Variants in NFX1 observed in about 807,000 individuals in gnomAD.
The protein encoded by NFX1 is nuclear transcription factor, X-box binding 1.
NFX1 carries 69 observed loss-of-function variants against 137.2 expected under a neutral mutation model. That is an observed-to-expected ratio of 0.50 (90% CI 0.41 to 0.61). NFX1 has a LOEUF of 0.61. Among genes scored for constraint, NFX1 ranks in the 20% least tolerant of loss-of-function variants. NFX1 has a pLI of 0.00. For missense variants in NFX1, 1,167 were observed against 1,391.0 expected, an observed-to-expected ratio of 0.84 and a Z score of 2.56; for synonymous variants, 495 against 474.1, an observed-to-expected ratio of 1.04 and a Z score of -0.57.
intron 15 of NFX1, among the ~76,000 whole-genome samples, chr9:33,349,482 T>A (rs904187092): frequency 6.6e-6 from 1 of 152,174 alleles, no homozygotes; most frequent in African/African-American, 2.4e-5. Context: ...TACTAAAATA[T>A]GGATTCCAGT....
intron 5 of NFX1, among the ~76,000 whole-genome samples, chr9:33,310,292 G>C (rs1821917093): frequency 6.6e-6 from 1 of 152,064 alleles, no homozygotes; most frequent in South Asian, 2.1e-4. Flanking sequence ...GTTGTAATTT[G>C]CCACCTAGAA....
intron 5 of NFX1, among the ~76,000 whole-genome samples, chr9:33,309,539 T>A (rs571437420): frequency 6.6e-6 from 1 of 152,332 alleles, no homozygotes; most frequent in East Asian, 1.9e-4. Flanking sequence ...TTGGGAACTT[T>A]CTTTTACTTT....
intron 7 of NFX1, among the ~76,000 whole-genome samples, chr9:33,314,847 A>G (rs1269518050): frequency 1.3e-5 from 2 of 152,212 alleles, no homozygotes; most frequent in African/African-American, 4.8e-5. Flanking sequence ...GGTCACACAG[A>G]TGTATACAAT....
chr9:33,362,853 A>C (rs1426977105), intron 19 of NFX1, among the ~76,000 whole-genome samples: 1 of 151,756 alleles, frequency 6.6e-6, no homozygotes, highest in East Asian at 1.9e-4. Flanking sequence ...ACAGGCATGC[A>C]CAACCACACC....
rs145313410 is a variant in NFX1, at chr9:33,303,491, T to C, written c.1270+223T>C. Among the ~76,000 whole-genome samples the C allele has an allele frequency of 6.2e-3, 938 of 152,320 alleles. 14 individuals are homozygous for C. The highest frequency in any genetic ancestry group is 0.02 in the African/African-American group (845 of 41,558). On this transcript the variant is annotated intron_variant, in intron 4 of 23. Transcript: ENST00000379540. ...TGGCCAACCAGGCTCATGCTGCTTC[T>C]GGGCTGTAGTGCTTGTCTCCTTGGT...
chr9:33,328,716 G>A (rs762345135), intron 10 of NFX1, 38 bp downstream of exon 10: 49 of 1,506,838 alleles, frequency 3.3e-5, no homozygotes, highest in Non-Finnish European at 4.1e-5. Context: ...TGCCATCAAT[G>A]TTTTCTTTAA....
At chr9:33,339,808 A>T (rs1823152423) in intron 12 of NFX1, among the ~76,000 whole-genome samples, 1 of 152,226 alleles carries the variant, frequency 6.6e-6, no homozygotes. Context: ...GCCCCATGCA[A>T]GTCCGAAATT....
intron 9 of NFX1, among the ~76,000 whole-genome samples, chr9:33,323,310 A>T (rs992842561): frequency 1.3e-5 from 2 of 152,230 alleles, no homozygotes; most frequent in African/African-American, 4.8e-5. Context: ...AGCAGTATCC[A>T]GAGTTGCTAT....
At chr9:33,317,344 G>A (rs530968110) in intron 7 of NFX1, among the ~76,000 whole-genome samples, 3 of 149,938 alleles carry the variant, frequency 2.0e-5, no homozygotes, top group South Asian at 2.1e-4. Flanking sequence ...GCTTGAGCCC[G>A]GGAGTTTGAG....
chr9:33,351,456 A>C (rs976203933), intron 15 of NFX1, 104 bp from the exon 16 acceptor site: 25 of 1,182,626 alleles, frequency 2.1e-5, no homozygotes, highest in South Asian at 2.7e-5. Flanking sequence ...AAAACAAAAC[A>C]AAACCAAACC....
At position 33,319,099 on chromosome 9, in the gene NFX1, C is replaced by T. The variant is rs773080677; in HGVS notation, c.1878C>T (p.Cys626=). ...CTGTGCCTTCATGTGGAAAAGTGTGCGGCAAGCCTCTGCCTTGTGGTTCCT... is the reference window on the plus strand; with the variant it reads ...CTGTGCCTTCATGTGGAAAAGTGTGTGGCAAGCCTCTGCCTTGTGGTTCCT... ...MDPVPSCGKV[C]GKPLPCGSLD... The change falls in exon 9 of 24, where the codon TGC becomes TGT. Residue 626 remains cysteine, a synonymous_variant. Coordinates refer to ENST00000379540, the MANE Select transcript of NFX1 (RefSeq NM_002504.6). 8 of 1,614,146 alleles carry T rather than the reference C, an allele frequency of 5.0e-6. No homozygotes were observed. Among genetic ancestry groups the T allele is most frequent in the East Asian group, 4.5e-5 (2 of 44,880 alleles).
At chr9:33,352,846 T>A in intron 17 of NFX1, 127 bp downstream of exon 17, 1 of 700,744 alleles carries the variant, frequency 1.4e-6, no homozygotes, top group Non-Finnish European at 2.5e-6. Context: ...GTAACTGTTG[T>A]AATCAGTTGT....
chr9:33,367,105 C>G (rs1296850957), intron 22 of NFX1, among the ~76,000 whole-genome samples: 2 of 152,240 alleles, frequency 1.3e-5, no homozygotes, highest in Non-Finnish European at 2.9e-5. Flanking sequence ...GTTCCTCTGT[C>G]TGTCCTCTCC....
intron 15 of NFX1, among the ~76,000 whole-genome samples, chr9:33,350,470 A>G (rs933886111): frequency 1.3e-5 from 2 of 152,186 alleles, no homozygotes; most frequent in African/African-American, 2.4e-5. Context: ...CCTGCCAGTT[A>G]GTCATAGCAT....
rs528881492 is a variant in NFX1, at chr9:33,293,407, A to G, written c.26-1013A>G. Among the ~76,000 whole-genome samples the G allele has an allele frequency of 3.9e-5, 6 of 152,354 alleles. No homozygotes were observed. The South Asian group carries it at 1.2e-3, about 32-fold the overall frequency. ...CAGATCCTCTGTAGTCCTAACAGCA[A>G]TGATAGAGTACCATTTTAACCATTT... On this transcript the variant is annotated intron_variant, in intron 1 of 23. Coordinates refer to ENST00000379540, the MANE Select transcript of NFX1 (RefSeq NM_002504.6).
At chr9:33,308,030 C>T (rs1821822366) in intron 5 of NFX1, among the ~76,000 whole-genome samples, 1 of 152,020 alleles carries the variant, frequency 6.6e-6, no homozygotes, top group African/African-American at 2.4e-5. Context: ...GTCTCGAACT[C>T]CTGGGCTCAA....
chr9:33,339,422 C>A (rs185333880), intron 12 of NFX1, among the ~76,000 whole-genome samples: 189 of 152,278 alleles, frequency 1.2e-3, no homozygotes, highest in Non-Finnish European at 1.4e-3. Flanking sequence ...GAGAACAGCA[C>A]AAGAAAGACC....
chr9:33,351,601 C>T lies in NFX1; in HGVS notation c.2466C>T (p.Cys822=), dbSNP rs748161391. Residue 822 remains cysteine, a synonymous_variant, in exon 16 of 24, where the codon TGC becomes TGT. Transcript: ENST00000379540. ...CCTGTCACCTGGTTGATATCTCTTG[C>T]GGATTACCCTGCAGTGCCACGCTAC... is the stretch of plus-strand genomic sequence containing the variant. ...NIPCHLVDIS[C]GLPCSATLPC... 2.1e-5 allele frequency: 34 copies of T among 1,614,090 alleles called. No individual in the cohort carries two copies. Among genetic ancestry groups the T allele is most frequent in the African/African-American group, 1.2e-4 (9 of 74,930 alleles).
At chr9:33,366,566 T>A in intron 21 of NFX1, 63 bp from the exon 22 acceptor site, 1 of 1,582,336 alleles carries the variant, frequency 6.3e-7, no homozygotes, top group South Asian at 1.1e-5. Flanking sequence ...GTGGTAAGAT[T>A]AGTTGTAAGC....
Sources: allele counts gnomAD v4.1 joint callset (sites outside exome capture counted in the v4.1 genomes callset), GRCh38; gene constraint gnomAD v4.1.1; transcripts MANE v1.5; gene names NCBI Gene and HGNC (gene_info 2026-07-23, HGNC 2026-07-21).